The following IRAK3 variants were observed in gnomAD, a reference collection of about 807,000 sequenced individuals.
The protein encoded by IRAK3 is interleukin 1 receptor associated kinase 3, also known as interleukin-1 receptor-associated kinase 3.
IRAK3 carries 57 observed loss-of-function variants against 56.6 expected under a neutral mutation model. The ratio of observed to expected loss-of-function variants is 1.01; its 90% CI spans 0.81 to 1.26. The LOEUF (loss-of-function observed/expected upper bound fraction) is 1.26. IRAK3 is among the 50% of genes most tolerant of loss of function. The pLI, the probability that IRAK3 is intolerant of heterozygous loss-of-function variation, is 0.00. For missense variants in IRAK3, 703 were observed against 719.0 expected (o/e 0.98, Z 0.25); for synonymous variants, 258 against 255.7 (o/e 1.01, Z -0.09).
intron 2 of IRAK3, among the ~76,000 whole-genome samples, chr12:66,208,098 T>C (rs1487912741): frequency 1.3e-5 from 2 of 152,202 alleles, no homozygotes; most frequent in Non-Finnish European, 2.9e-5. Context: ...CTTGCTAGTT[T>C]TCTAAGCAAA....
intron 2 of IRAK3, among the ~76,000 whole-genome samples, chr12:66,207,510 T>A (rs376563605): frequency 8.0e-5 from 12 of 150,938 alleles, no homozygotes; most frequent in Admixed American, 2.6e-4. Context: ...AACAAAAAAA[T>A]TCCTCTATTT....
intron 5 of IRAK3, among the ~76,000 whole-genome samples, chr12:66,214,992 T>G (rs1459894022): frequency 6.6e-6 from 1 of 152,204 alleles, no homozygotes; most frequent in African/African-American, 2.4e-5. Flanking sequence ...CCGTACCGTT[T>G]TAAAAATTAT....
At position 66,203,766 on chromosome 12, in the gene IRAK3, C is replaced by T; in HGVS notation, c.189C>T (p.Asp63=). ...TTCGTCATATTGAAAAGTATGTAGACCAAGGTAAAAGTGGAACAAGAGAAT... is the reference window on the plus strand; with the variant it reads ...TTCGTCATATTGAAAAGTATGTAGATCAAGGTAAAAGTGGAACAAGAGAAT... ...LDVRHIEKYV[D]QGKSGTRELL... The change falls in exon 2 of 12, where the codon GAC becomes GAT. Residue 63 remains aspartate (D), a synonymous_variant. Coordinates refer to ENST00000261233, the MANE Select transcript of IRAK3 (RefSeq NM_007199.3). 6.2e-7 allele frequency: 1 copy of T among 1,613,956 alleles called. No individual in the cohort carries two copies. The highest frequency in any genetic ancestry group is 8.5e-7 in the Non-Finnish European group (1 of 1,179,954).
At chr12:66,198,077 T>G in intron 1 of IRAK3, 1 of 985,084 alleles carries the variant, frequency 1.0e-6, no homozygotes, top group Non-Finnish European at 1.2e-6. Flanking sequence ...TACCTTTTTA[T>G]GTATAAATAT....
chr12:66,222,670 A>G (rs1162699280), intron 6 of IRAK3, among the ~76,000 whole-genome samples: 1 of 152,038 alleles, frequency 6.6e-6, no homozygotes, highest in African/African-American at 2.4e-5. Context: ...TTCCTTACCT[A>G]TTTTTTAAAA....
At chr12:66,215,515 T>G (rs1268564070) in intron 5 of IRAK3, among the ~76,000 whole-genome samples, 1 of 152,206 alleles carries the variant, frequency 6.6e-6, no homozygotes, top group Non-Finnish European at 1.5e-5. Flanking sequence ...TGAAGAGCTC[T>G]TATTTGTCTT....
At chr12:66,190,004 A>G (rs967218387) in intron 1 of IRAK3, among the ~76,000 whole-genome samples, 1 of 152,162 alleles carries the variant, frequency 6.6e-6, no homozygotes, top group Non-Finnish European at 1.5e-5. Flanking sequence ...TTTTAATCTA[A>G]AAAAATTGGC....
chr12:66,240,151 G>A (rs988622586), intron 8 of IRAK3, among the ~76,000 whole-genome samples: 2 of 152,166 alleles, frequency 1.3e-5, no homozygotes, highest in African/African-American at 4.8e-5. Flanking sequence ...CATACTTTGA[G>A]CCCTCTGTGA....
Position 66,248,135 on chromosome 12 carries a change from T to C in IRAK3, c.1755T>C (p.Phe585=). Residue 585 remains phenylalanine, a synonymous_variant, in exon 12 of 12, where the codon TTT becomes TTC. Coordinates refer to ENST00000261233, the MANE Select transcript of IRAK3 (RefSeq NM_007199.3). ...RPVESSCSSK[F]SWDEYEQYKK... The stretch of plus-strand genomic sequence containing the variant: ...TGGAGAGCAGCTGTTCCTCCAAATT[T>C]TCCTGGGATGAATATGAACAGTACA... 1 of 1,612,764 alleles carries C rather than the reference T, an allele frequency of 6.2e-7. No individual in the cohort carries two copies. The highest frequency in any genetic ancestry group is 8.5e-7 in the Non-Finnish European group (1 of 1,179,630).
rs868562209 is a variant in IRAK3 at position 66,250,391 on chromosome 12, G to T, written c.*2220G>T. 1 of 152,114 alleles carries T rather than the reference G, an allele frequency of 6.6e-6. No homozygotes were observed. Among genetic ancestry groups the T allele is most frequent in the Non-Finnish European group, 1.5e-5 (1 of 68,014 alleles). 9.4% of individuals were successfully genotyped at this position (152,114 alleles called of 1,614,324 possible). A position where few individuals can be genotyped will look rare whatever the true frequency, so the allele number is the denominator to read the frequency against. On this transcript the variant is annotated 3_prime_UTR_variant, in exon 12 of 12. Coordinates refer to ENST00000261233, the MANE Select transcript of IRAK3 (RefSeq NM_007199.3). ...AAAGAAGAAAATCATCAGGAATCAG[G>T]GTGAGATTAACAGACCAAGGTCAGA...
intron 6 of IRAK3, among the ~76,000 whole-genome samples, chr12:66,218,348 A>G (rs906544646): frequency 9.8e-5 from 15 of 152,320 alleles, no homozygotes; most frequent in African/African-American, 3.4e-4. Flanking sequence ...ATATTTTATT[A>G]TATGAAATAA....
chr12:66,248,305 C>T lies in IRAK3; in HGVS notation c.*134C>T. On this transcript the variant is annotated 3_prime_UTR_variant, in exon 12 of 12. Transcript: ENST00000261233. ...AGTGAGTTTGGGTGATGCAGATAAACAATCTGGATAATTCCATTTCTTTTT... is the reference window on the plus strand; with the variant it reads ...AGTGAGTTTGGGTGATGCAGATAAATAATCTGGATAATTCCATTTCTTTTT... 1 of 669,180 alleles carries T rather than the reference C, an allele frequency of 1.5e-6. No homozygotes were observed. The highest frequency in any genetic ancestry group is 2.0e-5 in the South Asian group (1 of 50,712). 41.5% of individuals were successfully genotyped at this position (669,180 alleles called of 1,614,324 possible). A position where few individuals can be genotyped will look rare whatever the true frequency, so the allele number is the denominator to read the frequency against.
intron 8 of IRAK3, chr12:66,235,247 C>G: frequency 6.3e-7 from 1 of 1,594,874 alleles, no homozygotes; most frequent in Non-Finnish European, 8.5e-7. Context: ...CCGGCAGTTG[C>G]TGCTGCCCCC....
At chr12:66,226,894 CT>C in intron 7 of IRAK3, 57 bp downstream of exon 7, 2 of 1,051,730 alleles carry the variant, frequency 1.9e-6, no homozygotes, top group African/African-American at 3.1e-5. Flanking sequence ...CCTGGGAGAG[CT>C]GCTGAAACCG....
intron 1 of IRAK3, among the ~76,000 whole-genome samples, chr12:66,202,872 A>G (rs1040576023): frequency 1.3e-5 from 2 of 152,048 alleles, no homozygotes; most frequent in African/African-American, 4.8e-5. Flanking sequence ...TATTGGACAA[A>G]GCTAGAATAA....
intron 1 of IRAK3, among the ~76,000 whole-genome samples, chr12:66,193,423 T>G (rs1222552104): frequency 1.3e-5 from 2 of 152,194 alleles, no homozygotes; most frequent in African/African-American, 2.4e-5. Context: ...CAGTTTCCCA[T>G]TATTAACATC....
Position 66,254,319 on chromosome 12 carries a change from G to A in IRAK3, c.*6148G>A, listed in dbSNP as rs1198912481. On this transcript the variant is annotated 3_prime_UTR_variant, in exon 12 of 12. Transcript: ENST00000261233. ...AAAAGATGGATTAAATAAATTCCAT[G>A]CAGTTGTCATTTAAAAATATTTAGA... 6.6e-6 allele frequency: 1 copy of A among 152,118 alleles called. No homozygotes were observed. Among genetic ancestry groups the A allele is most frequent in the South Asian group, 2.1e-4 (1 of 4,832 alleles). 9.4% of individuals were successfully genotyped at this position (152,118 alleles called of 1,614,324 possible).
At chr12:66,210,110 G>A (rs759593032) in intron 3 of IRAK3, 37 bp from the exon 4 acceptor site, 2 of 1,338,056 alleles carry the variant, frequency 1.5e-6, no homozygotes, top group Admixed American at 3.4e-5. Context: ...CTAGATGTAT[G>A]AAATGGAATT....
In IRAK3 at chr12:66,249,052, T is replaced by G. The variant is rs1210360160; in HGVS notation, c.*881T>G. On this transcript the variant is annotated 3_prime_UTR_variant, in exon 12 of 12. Transcript: ENST00000261233. ...TACAAAACAGCCACCTCCTGGAAGCTTCCCTAATCTCTACAACCAGAAGTA... is the reference window on the plus strand; with the variant it reads ...TACAAAACAGCCACCTCCTGGAAGCGTCCCTAATCTCTACAACCAGAAGTA... 6.6e-6 allele frequency: 1 copy of G among 152,230 alleles called. No individual in the cohort carries two copies. Among genetic ancestry groups the G allele is most frequent in the Non-Finnish European group, 1.5e-5 (1 of 68,040 alleles). 9.4% of individuals were successfully genotyped at this position (152,230 alleles called of 1,614,324 possible).
Sources: gnomAD v4.1 joint callset for allele counts (sites outside exome capture counted in the v4.1 genomes callset) on GRCh38, gnomAD v4.1.1 for gene constraint, MANE v1.5 for transcripts, NCBI Gene and HGNC (gene_info 2026-07-23, HGNC 2026-07-21) for gene names.